The following SYT17 variants were observed in gnomAD, a reference collection of about 807,000 sequenced individuals.
SYT17 encodes the protein synaptotagmin-17.
A neutral mutation model predicts 46.7 loss-of-function variants in SYT17; 22 were observed. The ratio of observed to expected loss-of-function variants is 0.47; its 90% confidence interval spans 0.34 to 0.67. SYT17 has a LOEUF of 0.67. Ranked by LOEUF, SYT17 falls within the 30% of genes least tolerant of loss-of-function variation. The pLI, the probability that SYT17 is intolerant of heterozygous loss-of-function variation, is 0.01. For synonymous variants in SYT17, 251 were observed against 248.4 expected (o/e 1.01, Z -0.10); for missense variants, 519 against 612.8 (o/e 0.85, Z 1.62).
chr16:19,234,431 G>A (rs1405329495), intron 7 of SYT17, among the ~76,000 whole-genome samples: 2 of 151,878 alleles, frequency 1.3e-5, no homozygotes, highest in East Asian at 3.9e-4. Context: ...TCTGTTATGA[G>A]CTTCCAATCT....
At chr16:19,256,573 A>G (rs920203092) in intron 7 of SYT17, among the ~76,000 whole-genome samples, 80 of 147,466 alleles carry the variant, frequency 5.4e-4, no homozygotes, top group Non-Finnish European at 8.7e-4. Context: ...TATTATTATT[A>G]TTATTATTAT....
Position 19,199,333 on chromosome 16 carries a change from T to C in SYT17, c.951+15186T>C, listed in dbSNP as rs554263082. ...GGTCCTGGTTAATGAGTGACTCACC[T>C]AAAGTTATTCACGGAATGGTGGAGC... On this transcript the variant is annotated intron_variant, in intron 5 of 7. Coordinates refer to ENST00000355377, the MANE Select transcript of SYT17 (RefSeq NM_016524.4). Among the ~76,000 whole-genome samples the C allele has an allele frequency of 3.9e-5, 6 of 152,314 alleles. No homozygotes were observed. In the South Asian group the frequency reaches 1.0e-3, roughly 26 times the overall value.
chr16:19,260,402 T>C (rs1968883773), intron 7 of SYT17, among the ~76,000 whole-genome samples: 1 of 135,798 alleles, frequency 7.4e-6, no homozygotes, highest in African/African-American at 2.7e-5. Flanking sequence ...CCCAGCTAGT[T>C]GGGAAGCTGA....
At chr16:19,250,191 T>G in intron 7 of SYT17, 1 of 1,067,848 alleles carries the variant, frequency 9.4e-7, no homozygotes, top group Non-Finnish European at 1.3e-6. Context: ...TTTCTACCCA[T>G]CAGATTCTGT....
chr16:19,182,142 C>T (rs982667073), intron 4 of SYT17, among the ~76,000 whole-genome samples: 4 of 151,792 alleles, frequency 2.6e-5, no homozygotes, highest in South Asian at 2.1e-4. Flanking sequence ...AGGCTGGGCG[C>T]GGTGGCTCAC....
At chr16:19,239,110 T>A (rs555752632) in intron 7 of SYT17, among the ~76,000 whole-genome samples, 76 of 152,022 alleles carry the variant, frequency 5.0e-4, no homozygotes, top group Admixed American at 5.2e-4. Flanking sequence ...AGACACCATC[T>A]CTACAAAAAG....
chr16:19,219,766 C>A (rs1966238365), intron 5 of SYT17, among the ~76,000 whole-genome samples: 2 of 152,220 alleles, frequency 1.3e-5, no homozygotes, highest in African/African-American at 4.8e-5. Flanking sequence ...ATCCCCCCCA[C>A]AGGAGTGTAT....
chr16:19,200,256 A>T (rs1377693508), intron 5 of SYT17, among the ~76,000 whole-genome samples: 2 of 152,226 alleles, frequency 1.3e-5, no homozygotes, highest in Non-Finnish European at 2.9e-5. Flanking sequence ...GGCCATATAC[A>T]TGGGCCCATA....
intron 5 of SYT17, among the ~76,000 whole-genome samples, chr16:19,186,355 G>A (rs938551152): frequency 1.3e-5 from 2 of 151,772 alleles, no homozygotes; most frequent in Non-Finnish European, 2.9e-5. Context: ...ATGGTGGCAT[G>A]TGCCTGTAGT....
intron 7 of SYT17, among the ~76,000 whole-genome samples, chr16:19,266,627 A>G (rs1425062009): frequency 6.6e-6 from 1 of 152,124 alleles, no homozygotes; most frequent in Non-Finnish European, 1.5e-5. Flanking sequence ...CAAGGCTGAG[A>G]GGTAAGAATC....
intron 7 of SYT17, among the ~76,000 whole-genome samples, chr16:19,235,252 G>A (rs1210806607): frequency 3.3e-5 from 5 of 151,990 alleles, no homozygotes; most frequent in African/African-American, 1.2e-4. Context: ...AGCTACACAA[G>A]TGGATATTAT....
chr16:19,197,954 C>T (rs1320407983), intron 5 of SYT17, among the ~76,000 whole-genome samples: 1 of 152,192 alleles, frequency 6.6e-6, no homozygotes, highest in Non-Finnish European at 1.5e-5. Context: ...TAGCTAAGAG[C>T]ATAGACCCTG....
intron 7 of SYT17, among the ~76,000 whole-genome samples, chr16:19,246,074 T>C (rs932378300): frequency 1.3e-5 from 2 of 151,818 alleles, no homozygotes; most frequent in African/African-American, 4.8e-5. Context: ...GGTGCGATCT[T>C]GGCTCACTGC....
intron 5 of SYT17, among the ~76,000 whole-genome samples, chr16:19,215,370 A>G (rs1334602020): frequency 6.6e-6 from 1 of 152,130 alleles, no homozygotes; most frequent in Non-Finnish European, 1.5e-5. Context: ...TTCTAAGGAG[A>G]ATCCTCACTA....
intron 7 of SYT17, among the ~76,000 whole-genome samples, chr16:19,230,896 C>T (rs1966655914): frequency 6.6e-6 from 1 of 152,146 alleles, no homozygotes; most frequent in Non-Finnish European, 1.5e-5. Flanking sequence ...AGAAAGTCCT[C>T]TTTAAATATG....
intron 7 of SYT17, among the ~76,000 whole-genome samples, chr16:19,233,273 G>A (rs1389107800): frequency 2.0e-5 from 3 of 152,160 alleles, no homozygotes; most frequent in African/African-American, 7.2e-5. Flanking sequence ...GCACGGCGGG[G>A]AATGGGTGGG....
In SYT17 at chr16:19,189,338, CT is replaced by C. The variant is rs35195326; in HGVS notation, c.951+5209del. Among the ~76,000 whole-genome samples the C allele has an allele frequency of 9.0e-3, 1,171 of 129,530 alleles. 7 individuals are homozygous for C. Among genetic ancestry groups the C allele is most frequent in the South Asian group, 0.023 (95 of 4,138 alleles). 85.0% of individuals were successfully genotyped at this position (129,530 alleles called of 152,430 possible). A position where few individuals can be genotyped will look rare whatever the true frequency, so the allele number is the denominator to read the frequency against. On this transcript the variant is annotated intron_variant, in intron 5 of 7. Coordinates refer to ENST00000355377, the MANE Select transcript of SYT17 (RefSeq NM_016524.4). ...ACTGGGGGTTAGGACCTCAACCTGT[CT>C]TTTTTTTTTTTTTTTTTCTGAGACA... is the stretch of plus-strand genomic sequence containing the variant.
chr16:19,245,552 G>T (rs921032557), intron 7 of SYT17, among the ~76,000 whole-genome samples: 1 of 152,166 alleles, frequency 6.6e-6, no homozygotes, highest in Non-Finnish European at 1.5e-5. Context: ...TCTCCTTATG[G>T]CATTTTAACC....
intron 7 of SYT17, among the ~76,000 whole-genome samples, chr16:19,233,135 C>T (rs1308121722): frequency 6.6e-6 from 1 of 152,192 alleles, no homozygotes; most frequent in Non-Finnish European, 1.5e-5. Flanking sequence ...GTCTGGAGGC[C>T]TCCCAGACCC....
Sources: gnomAD v4.1 joint callset for allele counts (sites outside exome capture counted in the v4.1 genomes callset) on GRCh38, gnomAD v4.1.1 for gene constraint, MANE v1.5 for transcripts, NCBI Gene and HGNC (gene_info 2026-07-23, HGNC 2026-07-21) for gene names.